The following LRRK2 variants were observed in gnomAD, a reference collection of about 807,000 sequenced individuals.
The protein encoded by LRRK2 is leucine rich repeat kinase 2, also known as leucine-rich repeat serine/threonine-protein kinase 2.
Under a neutral mutation model 302.6 loss-of-function variants are expected in LRRK2, and 203 were observed. The ratio of observed to expected loss-of-function variants is 0.67; its 90% CI spans 0.60 to 0.75. The LOEUF is 0.75. Ranked by LOEUF, LRRK2 falls within the 30% of genes least tolerant of loss-of-function variation. The probability of loss-of-function intolerance (pLI) is 0.00; values close to 1 mark genes in which losing one functional copy is unlikely to be tolerated. For synonymous variants in LRRK2, 1,066 were observed against 1,031.9 expected, an observed-to-expected ratio of 1.03 and a Z score of -0.63; for missense variants, 2,830 against 2,951.0, an observed-to-expected ratio of 0.96 and a Z score of 0.95.
intron 6 of LRRK2, among the ~76,000 whole-genome samples, chr12:40,240,871 G>C (rs1941690228): frequency 6.6e-6 from 1 of 152,126 alleles, no homozygotes; most frequent in African/African-American, 2.4e-5. Context: ...TACAATGGGG[G>C]ACACAGATAA....
intron 32 of LRRK2, 32 bp downstream of exon 32, chr12:40,314,205 T>C (rs1449827843): frequency 1.3e-6 from 2 of 1,579,974 alleles, no homozygotes; most frequent in Admixed American, 3.4e-5. Flanking sequence ...TTTTCAAAGC[T>C]CAGCTGTAGT....
chr12:40,322,547 A>T, intron 37 of LRRK2, 37 bp downstream of exon 37: 1 of 1,539,824 alleles, frequency 6.5e-7, no homozygotes, highest in East Asian at 2.2e-5. Flanking sequence ...CTTTTAAGTG[A>T]TCCTTCAATA....
chr12:40,225,882 G>A (rs1156509582), intron 2 of LRRK2, among the ~76,000 whole-genome samples: 1 of 152,154 alleles, frequency 6.6e-6, no homozygotes, highest in Non-Finnish European at 1.5e-5. Context: ...CAACAGTATG[G>A]ATGGTGGTAG....
chr12:40,310,078 T>A (rs1944986458), intron 30 of LRRK2, among the ~76,000 whole-genome samples: 1 of 152,130 alleles, frequency 6.6e-6, no homozygotes, highest in African/African-American at 2.4e-5. Flanking sequence ...CTATATGACG[T>A]TAATTTGATA....
chr12:40,337,366 T>C lies in LRRK2; in HGVS notation c.5948+2209T>C, dbSNP rs113147825. Among the ~76,000 whole-genome samples, 771 of 152,332 alleles carry C rather than the reference T, an allele frequency of 5.1e-3. 10 individuals are homozygous for C. The highest frequency in any genetic ancestry group is 0.017 in the African/African-American group (688 of 41,582). On this transcript the variant is annotated intron_variant, in intron 40 of 50. Coordinates refer to ENST00000298910, the MANE Select transcript of LRRK2 (RefSeq NM_198578.4). ...CAATCCACTTCGTTTGAACTCTTTATCATAATTCTATAAAACTTATGAAAA... is the reference window on the plus strand; with the variant it reads ...CAATCCACTTCGTTTGAACTCTTTACCATAATTCTATAAAACTTATGAAAA...
intron 4 of LRRK2, 54 bp from the exon 5 acceptor site, chr12:40,237,915 C>G: frequency 6.4e-7 from 1 of 1,552,256 alleles, no homozygotes; most frequent in Non-Finnish European, 8.8e-7. Context: ...AAAATTAACA[C>G]ATTAAATGTT....
chr12:40,355,589 C>T (rs1946509913), intron 45 of LRRK2, among the ~76,000 whole-genome samples: 1 of 132,564 alleles, frequency 7.5e-6, no homozygotes, highest in Admixed American at 8.8e-5. Flanking sequence ...GTTGCCCAAG[C>T]TGGAGTGCAA....
chr12:40,290,796 A>G (rs1036274933), intron 20 of LRRK2, among the ~76,000 whole-genome samples: 11 of 151,924 alleles, frequency 7.2e-5, no homozygotes, highest in African/African-American at 2.7e-4. Flanking sequence ...TTACTTTCTC[A>G]CGGACTTTTG....
At chr12:40,333,675 G>A (rs754380853) in intron 39 of LRRK2, among the ~76,000 whole-genome samples, 14 of 151,046 alleles carry the variant, frequency 9.3e-5, no homozygotes, top group Non-Finnish European at 2.1e-4. Context: ...ATGATATCTC[G>A]GACTTTTTTT....
intron 31 of LRRK2, among the ~76,000 whole-genome samples, chr12:40,312,085 G>T (rs567756280): frequency 2.5e-4 from 38 of 152,070 alleles, no homozygotes; most frequent in African/African-American, 8.4e-4. Flanking sequence ...AGACTTGTTG[G>T]AGGATGAGTT....
chr12:40,367,183 C>T (rs758931538), intron 50 of LRRK2, 106 bp downstream of exon 50: 2 of 966,526 alleles, frequency 2.1e-6, no homozygotes, highest in Non-Finnish European at 3.2e-6. Context: ...ATGGTATAAT[C>T]AGGAATTTTA....
intron 43 of LRRK2, 29 bp from the exon 44 acceptor site, chr12:40,351,510 A>C (rs763891259): frequency 6.2e-7 from 1 of 1,604,086 alleles, no homozygotes; most frequent in Non-Finnish European, 8.5e-7. Context: ...CTCGATAAGT[A>C]CTGTTTTGTT....
intron 6 of LRRK2, among the ~76,000 whole-genome samples, chr12:40,242,824 C>CAAAAAA (rs1941797106): frequency 1.3e-4 from 1 of 7,660 alleles, no homozygotes; most frequent in Admixed American, 1.1e-3. Context: ...AAAAGGTAAG[C>CAAAAAA]AATATAACAT....
chr12:40,365,227 G>C, intron 49 of LRRK2, 177 bp downstream of exon 49: 2 of 604,892 alleles, frequency 3.3e-6, no homozygotes, highest in South Asian at 2.1e-5. Flanking sequence ...GAAGTGGAGG[G>C]AGTAAATGCT....
At position 40,284,050 on chromosome 12, in the gene LRRK2, G is replaced by A; in HGVS notation, c.2417G>A (p.Gly806Glu). 4 of 1,613,756 alleles carry A rather than the reference G, an allele frequency of 2.5e-6. No individual in the cohort carries two copies. In the South Asian group the frequency reaches 3.3e-5, roughly 13 times the overall value. The change falls in exon 19 of 51, where the codon GGA (glycine) becomes GAA (glutamate). Residue 806 changes from glycine to glutamate, a missense_variant. This residue lies in a region of LRRK2 where 2,121 missense variants were observed against 2,148.0 expected (regional missense o/e 0.99). Coordinates refer to ENST00000298910, the MANE Select transcript of LRRK2 (RefSeq NM_198578.4). Reference sequence around the variant, plus strand: ...GTGGCCAACAATAGCATTTGCCTTGGAGGATTTTGTATAGGAAAAGTTGAA... The same window carrying A: ...GTGGCCAACAATAGCATTTGCCTTGAAGGATTTTGTATAGGAAAAGTTGAA... ...LDVANNSICL[G>E]GFCIGKVEPS...
At chr12:40,282,957 T>G (rs1254881681) in intron 18 of LRRK2, among the ~76,000 whole-genome samples, 1 of 152,182 alleles carries the variant, frequency 6.6e-6, no homozygotes, top group Non-Finnish European at 1.5e-5. Context: ...CTCAGTTGCT[T>G]GCTAGCTGTA....
intron 18 of LRRK2, among the ~76,000 whole-genome samples, chr12:40,280,506 T>C (rs1427626872): frequency 1.3e-5 from 2 of 151,880 alleles, no homozygotes; most frequent in African/African-American, 4.8e-5. Flanking sequence ...CTGCTTATAG[T>C]CCCAGCTACT....
At chr12:40,243,722 A>G in intron 7 of LRRK2, 41 bp downstream of exon 7, 1 of 1,547,240 alleles carries the variant, frequency 6.5e-7, no homozygotes, top group Non-Finnish European at 8.9e-7. Flanking sequence ...ACTGTATGAT[A>G]TACATATACA....
chr12:40,320,244 A>T, intron 34 of LRRK2, 69 bp downstream of exon 34: 2 of 1,293,426 alleles, frequency 1.5e-6, no homozygotes, highest in East Asian at 4.6e-5. Context: ...TTGTCAAACT[A>T]ACTGTAGTCT....
Sources: allele counts gnomAD v4.1 joint callset (sites outside exome capture counted in the v4.1 genomes callset), GRCh38; gene constraint gnomAD v4.1.1; regional missense constraint gnomAD v4.1.1; transcripts MANE v1.5; gene names NCBI Gene and HGNC (gene_info 2026-07-23, HGNC 2026-07-21).